Variants in CDHR2 observed in about 807,000 individuals in gnomAD.
CDHR2 encodes the protein cadherin related family member 2.
CDHR2 carries 104 observed loss-of-function variants against 138.6 expected under a neutral mutation model. The observed-to-expected ratio is 0.75, with a 90% confidence interval of 0.64 to 0.88. The LOEUF is 0.88. CDHR2 is among the 40% of genes least tolerant of loss of function. The pLI is 0.00. For synonymous variants in CDHR2, 755 were observed against 742.8 expected (o/e 1.02, Z -0.27); for missense variants, 1,624 against 1,727.6 (o/e 0.94, Z 1.06).
intron 21 of CDHR2, among the ~76,000 whole-genome samples, chr5:176,588,422 T>TGTATGTGA (rs767822190): frequency 3.2e-3 from 235 of 73,458 alleles, no homozygotes; most frequent in African/African-American, 7.0e-3. Flanking sequence ...AGGGTGTGAG[T>TGTATGTGA]GTGTGTGTCA....
chr5:176,577,942 A>T (rs1347879431), intron 14 of CDHR2, 92 bp from the exon 15 acceptor site: 12 of 1,505,506 alleles, frequency 8.0e-6, no homozygotes, highest in Non-Finnish European at 1.0e-5. Flanking sequence ...CCTTTGTGTG[A>T]GGAAGCACGA....
At chr5:176,562,607 C>G (rs1561868559) in intron 1 of CDHR2, among the ~76,000 whole-genome samples, 1 of 152,080 alleles carries the variant, frequency 6.6e-6, no homozygotes, top group Admixed American at 6.6e-5. Context: ...TGCCCAGGAC[C>G]AGGTGAGGGT....
chr5:176,577,624 C>T lies in CDHR2; in HGVS notation c.1351-13C>T. 1 of 1,614,140 alleles carries T rather than the reference C, an allele frequency of 6.2e-7. No homozygotes were observed. Among genetic ancestry groups the T allele is most frequent in the Non-Finnish European group, 8.5e-7 (1 of 1,179,988 alleles). Reference sequence around the variant, plus strand: ...TTGGGCCCCACAGCTGCTGCCTCCTCCCCTGCCCCCAGGTTGTGGCCACAG... The same window carrying T: ...TTGGGCCCCACAGCTGCTGCCTCCTTCCCTGCCCCCAGGTTGTGGCCACAG... On this transcript the variant is annotated splice_polypyrimidine_tract_variant and intron_variant, in intron 13 of 31. Coordinates refer to ENST00000261944, the MANE Select transcript of CDHR2 (RefSeq NM_017675.6).
chr5:176,548,469 G>A (rs1024074491), upstream of CDHR2, among the ~76,000 whole-genome samples: 8 of 152,208 alleles, frequency 5.3e-5, no homozygotes, highest in East Asian at 1.9e-4. Context: ...GCCGAGCTCC[G>A]TGGCTCATCC....
At chr5:176,548,065 G>A (rs1300562989), upstream of CDHR2, among the ~76,000 whole-genome samples, 1 of 152,122 alleles carries the variant, frequency 6.6e-6, no homozygotes, top group Non-Finnish European at 1.5e-5. Context: ...TGTGCTCCTG[G>A]GCTGCTAACC....
intron 5 of CDHR2, among the ~76,000 whole-genome samples, 176 bp from the exon 6 acceptor site, chr5:176,571,037 C>CG (rs1333131178): frequency 1.9e-5 from 1 of 53,280 alleles, no homozygotes; most frequent in Non-Finnish European, 3.5e-5. Context: ...CTGGTCTCTA[C>CG]AAAAAAAAAA....
chr5:176,571,622 C>T (rs111670462), intron 6 of CDHR2, among the ~76,000 whole-genome samples: 1,533 of 152,234 alleles, frequency 0.01, 23 homozygotes, highest in African/African-American at 0.035. Context: ...CTGCAAGCTC[C>T]GCCTCCTGGG....
chr5:176,559,890 A>C (rs1757926920), intron 1 of CDHR2, among the ~76,000 whole-genome samples: 1 of 152,164 alleles, frequency 6.6e-6, no homozygotes, highest in Non-Finnish European at 1.5e-5. Context: ...GGTAGAGGAC[A>C]GAGGTGTTTA....
At chr5:176,544,751 A>T (rs1757549446), upstream of CDHR2, among the ~76,000 whole-genome samples, 1 of 152,080 alleles carries the variant, frequency 6.6e-6, no homozygotes, top group Non-Finnish European at 1.5e-5. Context: ...AGTTCTTTCT[A>T]GGGTGGGAGG....
chr5:176,557,874 A>G, intron 1 of CDHR2, among the ~76,000 whole-genome samples: 1 of 151,182 alleles, frequency 6.6e-6, no homozygotes, highest in East Asian at 2.0e-4. Context: ...TGCCCGGCTA[A>G]TATTTGTATT....
chr5:176,578,268 A>G (rs1224354469), intron 15 of CDHR2, 97 bp from the exon 16 acceptor site: 3 of 1,273,110 alleles, frequency 2.4e-6, no homozygotes, highest in Admixed American at 4.0e-5. Flanking sequence ...CATATACTGC[A>G]TGGGATATGC....
chr5:176,562,079 G>T (rs1488517348), intron 1 of CDHR2, among the ~76,000 whole-genome samples: 2 of 152,014 alleles, frequency 1.3e-5, no homozygotes, highest in African/African-American at 4.8e-5. Context: ...GGGCTGAGAT[G>T]CAGGGAGTGG....
chr5:176,555,086 T>C (rs1357075130), intron 1 of CDHR2, among the ~76,000 whole-genome samples: 1 of 152,252 alleles, frequency 6.6e-6, no homozygotes, highest in Non-Finnish European at 1.5e-5. Context: ...CCAGGGCTTG[T>C]CCACATCTTT....
upstream of CDHR2, among the ~76,000 whole-genome samples, chr5:176,544,673 G>T (rs2963300): frequency 0.95 from 144,958 of 152,158 alleles, 69,420 homozygotes; most frequent in East Asian, 1. Context: ...CTCCTGACAT[G>T]GTGATCCGCC....
At chr5:176,584,324 A>G (rs1758597839) in intron 18 of CDHR2, 65 bp downstream of exon 18, 1 of 1,613,422 alleles carries the variant, frequency 6.2e-7, no homozygotes, top group South Asian at 1.1e-5. Flanking sequence ...GTCAGGGTGG[A>G]CCTCGAGTTC....
intron 3 of CDHR2, chr5:176,567,236 A>C: frequency 3.6e-6 from 1 of 278,166 alleles, no homozygotes; most frequent in South Asian, 3.3e-5. Flanking sequence ...TGGTGCGATC[A>C]TGCTCACTTC....
intron 1 of CDHR2, among the ~76,000 whole-genome samples, chr5:176,549,987 G>A (rs1344423155): frequency 6.6e-6 from 1 of 152,214 alleles, no homozygotes; most frequent in Non-Finnish European, 1.5e-5. Context: ...GTCAGGCAGG[G>A]ACTGACCCAG....
intron 1 of CDHR2, among the ~76,000 whole-genome samples, chr5:176,560,868 G>A (rs982315480): frequency 1.3e-5 from 2 of 152,212 alleles, no homozygotes; most frequent in African/African-American, 2.4e-5. Context: ...TGGGGAGCAT[G>A]GCGAGATGAA....
chr5:176,551,011 C>G (rs1351459879), intron 1 of CDHR2, among the ~76,000 whole-genome samples: 1 of 152,132 alleles, frequency 6.6e-6, no homozygotes, highest in East Asian at 1.9e-4. Context: ...TGGTCCTTCC[C>G]TAAGCACTTT....
Sources: allele counts gnomAD v4.1 joint callset (sites outside exome capture counted in the v4.1 genomes callset), GRCh38; gene constraint gnomAD v4.1.1; transcripts MANE v1.5; gene names NCBI Gene and HGNC (gene_info 2026-07-23, HGNC 2026-07-21).